The following ZNF519 variants were observed in gnomAD, a reference collection of about 807,000 sequenced individuals.
ZNF519 encodes the protein similar to Zinc finger protein 85 (Zinc finger protein HPF4) (HTF1).
In ZNF519, 7 loss-of-function variants were observed where a neutral mutation model predicts 7.4. The observed-to-expected ratio is 0.94, with a 90% CI of 0.54 to 1.77. The LOEUF (loss-of-function observed/expected upper bound fraction) is 1.77, where lower values mean the gene tolerates loss of function less well. Among genes scored for constraint, ZNF519 ranks in the 40% most tolerant of loss-of-function variants. The pLI is 0.00. For missense variants in ZNF519, 586 were observed against 623.1 expected, an observed-to-expected ratio of 0.94 and a Z score of 0.63; for synonymous variants, 179 against 203.3, an observed-to-expected ratio of 0.88 and a Z score of 1.02.
rs887153676 is a variant in ZNF519, at chr18:14,102,418, C to G, written c.*2499G>C. 3 of 152,176 alleles carry G rather than the reference C, an allele frequency of 2.0e-5. No individual in the cohort carries two copies. Among genetic ancestry groups the G allele is most frequent in the African/African-American group, 7.2e-5 (3 of 41,406 alleles). The allele number at this position is 152,176 out of a possible 1,614,324, so 9.4% of individuals were successfully genotyped here. ...TCCTGACCTCAGGTGATCCACCCAC[C>G]TGGGCCTCCCGAAGTGCTGGGATTA... is the stretch of plus-strand genomic sequence containing the variant. On this transcript the variant is annotated 3_prime_UTR_variant, in exon 3 of 3. Coordinates refer to ENST00000590202, the MANE Select transcript of ZNF519 (RefSeq NM_145287.4).
chr18:14,087,070 A>C (rs1009564097), intron 2 of ZNF519, among the ~76,000 whole-genome samples: 2 of 152,236 alleles, frequency 1.3e-5, no homozygotes, highest in Non-Finnish European at 2.9e-5. Context: ...CCAGAAATAT[A>C]AAGATGGTTC....
intron 2 of ZNF519, among the ~76,000 whole-genome samples, chr18:14,113,117 CT>C (rs1319371599): frequency 6.6e-6 from 1 of 152,160 alleles, no homozygotes; most frequent in Non-Finnish European, 1.5e-5. Flanking sequence ...ATCCATTCAT[CT>C]GTTTTTGATA....
At chr18:14,124,530 G>T in intron 1 of ZNF519, 54 bp from the exon 2 acceptor site, 1 of 1,581,714 alleles carries the variant, frequency 6.3e-7, no homozygotes, top group Non-Finnish European at 8.6e-7. Flanking sequence ...GAGATGAAAT[G>T]AGTTAAAATA....
In ZNF519 at chr18:14,124,481, A is replaced by T. The variant is rs1342187244; in HGVS notation, c.4-5T>A. On this transcript the variant is annotated splice_region_variant and splice_polypyrimidine_tract_variant and intron_variant, in intron 1 of 2. Transcript: ENST00000590202. ...ATCCCTGAATGTTAAGAGTTCCTGG[A>T]AACACATATATCAAGTGACAGAGCT... 38 of 1,608,254 alleles carry T rather than the reference A, an allele frequency of 2.4e-5. No individual in the cohort carries two copies. The highest frequency in any genetic ancestry group is 3.1e-5 in the Non-Finnish European group (36 of 1,178,784).
Position 14,105,533 on chromosome 18 carries a change from G to C in ZNF519, c.1007C>G (p.Thr336Ser). ...TCCAGTATGGATTCTCTGATGTTGA[G>C]TAAGGTATGAGCCTCTGTTAAAAGC... ...GKAFNRGSYLTQHQRIHTGER... is the reference protein window; with the variant it reads ...GKAFNRGSYLSQHQRIHTGER... Residue 336 changes from threonine (T) to serine (S), a missense_variant, in exon 3 of 3, where the codon ACT (threonine) becomes AGT (serine). By Grantham distance (58) the Thr-to-Ser change is moderately conservative. Transcript: ENST00000590202. 1 of 1,614,028 alleles carries C rather than the reference G, an allele frequency of 6.2e-7. No individual in the cohort carries two copies. Among genetic ancestry groups the C allele is most frequent in the African/African-American group, 1.3e-5 (1 of 74,996 alleles).
At chr18:14,095,296 T>G (rs2046131567), downstream of ZNF519, among the ~76,000 whole-genome samples, 1 of 152,224 alleles carries the variant, frequency 6.6e-6, no homozygotes, top group Admixed American at 6.5e-5. Flanking sequence ...TGACTCTGCC[T>G]CGTGCTGGGC....
In ZNF519 at chr18:14,103,328, G is replaced by C. The variant is rs2143120319; in HGVS notation, c.*1589C>G. ...CAGGAAAACGTCAATAAAATTAACA[G>C]GATCAAAATAATCCAAAGTATTTTC... On this transcript the variant is annotated 3_prime_UTR_variant, in exon 3 of 3. Coordinates refer to ENST00000590202, the MANE Select transcript of ZNF519 (RefSeq NM_145287.4). 6.6e-6 allele frequency: 1 copy of C among 152,004 alleles called. No homozygotes were observed. The highest frequency in any genetic ancestry group is 2.1e-4 in the South Asian group (1 of 4,818). The allele number at this position is 152,004 out of a possible 1,614,324, so 9.4% of individuals were successfully genotyped here.
rs571780212 is a variant in ZNF519, at chr18:14,103,036, A to G, written c.*1881T>C. On this transcript the variant is annotated 3_prime_UTR_variant, in exon 3 of 3. Transcript: ENST00000590202. ...TAAAAATAGAAAGCAAAATGATGCA[A>G]ATTCAACTATACTGATAATATTACA... 1 of 152,238 alleles carries G rather than the reference A, an allele frequency of 6.6e-6. No homozygotes were observed. Among genetic ancestry groups the G allele is most frequent in the South Asian group, 2.1e-4 (1 of 4,820 alleles). 9.4% of individuals were successfully genotyped at this position (152,238 alleles called of 1,614,324 possible). A position where few individuals can be genotyped will look rare whatever the true frequency, so the allele number is the denominator to read the frequency against.
intron 2 of ZNF519, among the ~76,000 whole-genome samples, chr18:14,107,410 G>A (rs1215629250): frequency 3.3e-5 from 5 of 152,124 alleles, no homozygotes; most frequent in African/African-American, 7.2e-5. Flanking sequence ...AAGAGCCCTC[G>A]ACCTGGAATA....
Position 14,103,565 on chromosome 18 carries a change from C to T in ZNF519, c.*1352G>A, listed in dbSNP as rs2046172563. ...AGAAATTCATAGCAGTAAACACCTA[C>T]ATTAAAAACAAACAATTTTAAATTA... On this transcript the variant is annotated 3_prime_UTR_variant, in exon 3 of 3. Coordinates refer to ENST00000590202, the MANE Select transcript of ZNF519 (RefSeq NM_145287.4). 6.6e-6 allele frequency: 1 copy of T among 152,046 alleles called. No homozygotes were observed. The highest frequency in any genetic ancestry group is 1.5e-5 in the Non-Finnish European group (1 of 67,960). 9.4% of individuals were successfully genotyped at this position (152,046 alleles called of 1,614,324 possible). A position where few individuals can be genotyped will look rare whatever the true frequency, so the allele number is the denominator to read the frequency against.
At chr18:14,114,898 A>T (rs2046238195) in intron 2 of ZNF519, among the ~76,000 whole-genome samples, 1 of 152,150 alleles carries the variant, frequency 6.6e-6, no homozygotes. Context: ...AAAATATCTC[A>T]TGTAACCCAT....
chr18:14,115,141 T>G (rs186189917), intron 2 of ZNF519, among the ~76,000 whole-genome samples: 3 of 152,294 alleles, frequency 2.0e-5, no homozygotes. Flanking sequence ...TCCAAAAGCA[T>G]GTAGAAGAGA....
chr18:14,106,295 C>G lies in ZNF519; in HGVS notation c.245G>C (p.Trp82Ser), dbSNP rs758343430. 4.3e-6 allele frequency: 7 copies of G among 1,613,136 alleles called. No homozygotes were observed. In the South Asian group the frequency reaches 7.7e-5, roughly 18 times the overall value. ...TTCACCTATACTTTCCCAGTTTTTC[C>G]ATAAGCATATATTTTCAAGGCCACA... ...GSCGLENICL[W>S]KNWESIGEGE... The change falls in exon 3 of 3, where the codon TGG (tryptophan) becomes TCG (serine). Residue 82 changes from tryptophan (W) to serine (S), a missense_variant. Physicochemically the swap from Trp to Ser is radical, Grantham distance 177. Transcript: ENST00000590202.
At chr18:14,117,895 C>A (rs1378801921) in intron 2 of ZNF519, among the ~76,000 whole-genome samples, 1 of 152,126 alleles carries the variant, frequency 6.6e-6, no homozygotes, top group Non-Finnish European at 1.5e-5. Flanking sequence ...GATCCAATCA[C>A]CTCCCACCAG....
At position 14,132,369 on chromosome 18, in the gene ZNF519, A is replaced by C; in HGVS notation, c.-92T>G. On this transcript the variant is annotated 5_prime_UTR_variant, in exon 1 of 3. Coordinates refer to ENST00000590202, the MANE Select transcript of ZNF519 (RefSeq NM_145287.4). ...GACGGAGTGAGTGGCAGAATCACCG[A>C]AGTCTCCCGGAGCAGAGGACACAAG... 1 of 1,516,388 alleles carries C rather than the reference A, an allele frequency of 6.6e-7. No individual in the cohort carries two copies. Among genetic ancestry groups the C allele is most frequent in the Non-Finnish European group, 9.1e-7 (1 of 1,094,914 alleles). The allele number at this position is 1,516,388 out of a possible 1,614,324, so 93.9% of individuals were successfully genotyped here.
downstream of ZNF519, among the ~76,000 whole-genome samples, chr18:14,097,983 CA>C (rs56698722): frequency 0.24 from 36,890 of 151,874 alleles, 4,962 homozygotes; most frequent in African/African-American, 0.33. Context: ...TATCCAGACT[CA>C]AGAGTCACAT....
chr18:14,086,097 T>C (rs1399731594), intron 2 of ZNF519, among the ~76,000 whole-genome samples: 2 of 151,708 alleles, frequency 1.3e-5, no homozygotes, highest in East Asian at 3.9e-4. Flanking sequence ...GTGCAAAGAG[T>C]GACTCCACCC....
At chr18:14,110,008 A>T (rs918206469) in intron 2 of ZNF519, among the ~76,000 whole-genome samples, 2 of 152,210 alleles carry the variant, frequency 1.3e-5, no homozygotes, top group Non-Finnish European at 1.5e-5. Context: ...CCAATGAAGC[A>T]TAATAGAGAA....
intron 1 of ZNF519, among the ~76,000 whole-genome samples, chr18:14,129,431 G>A (rs1178931876): frequency 6.6e-6 from 1 of 152,024 alleles, no homozygotes; most frequent in African/African-American, 2.4e-5. Context: ...TCAGGGGAGG[G>A]AATAGGTTCT....
Sources: gnomAD v4.1 joint callset for allele counts (sites outside exome capture counted in the v4.1 genomes callset) on GRCh38, gnomAD v4.1.1 for gene constraint, MANE v1.5 for transcripts, NCBI Gene and HGNC (gene_info 2026-07-23, HGNC 2026-07-21) for gene names.